The following FASN variants were observed in gnomAD, a reference collection of about 807,000 sequenced individuals.
FASN encodes the protein 3-hydroxyacyl-[acyl-carrier-protein] dehydratase.
Under a neutral mutation model 250.0 loss-of-function variants are expected in FASN, and 50 were observed. The observed-to-expected ratio is 0.20, with a 90% CI of 0.16 to 0.25. FASN has a LOEUF of 0.25. Among genes scored for constraint, FASN ranks in the 10% least tolerant of loss-of-function variants. The pLI is 1.00. For synonymous variants in FASN, 1,909 were observed against 1,584.0 expected, an observed-to-expected ratio of 1.21 and a Z score of -4.87; for missense variants, 3,031 against 3,498.5, an observed-to-expected ratio of 0.87 and a Z score of 3.37.
Position 82,085,691 on chromosome 17 carries a change from TG to T in FASN, c.3912del (p.Ser1305AlafsTer32). The part of the protein sequence containing the change: ...QGQWDPADPA[P>X]SALGSADLLV... ...AGGAGGTCGGCGCTGCCCAGGGCGC[TG>T]GGGGCAGGGTCTGCGGGATCCCACT... On this transcript the variant is annotated frameshift_variant, in exon 23 of 43. Transcript: ENST00000306749. LOFTEE classifies it high-confidence loss of function. 6.4e-7 allele frequency: 1 copy of T among 1,571,390 alleles called. No individual in the cohort carries two copies. Among genetic ancestry groups the T allele is most frequent in the Non-Finnish European group, 8.6e-7 (1 of 1,159,242 alleles).
intron 5 of FASN, 65 bp from the exon 6 acceptor site, chr17:82,093,084 A>G (rs2034242236): frequency 1.2e-6 from 2 of 1,600,636 alleles, no homozygotes; most frequent in Admixed American, 1.7e-5. Context: ...CACCAGGAGG[A>G]GCTCTGGGGT....
At position 82,085,491 on chromosome 17, in the gene FASN, G is replaced by A. The variant is rs754161099; in HGVS notation, c.4113C>T (p.Ile1371=). 1.3e-6 allele frequency: 2 copies of A among 1,592,790 alleles called. No homozygotes were observed. Among genetic ancestry groups the A allele is most frequent in the Admixed American group, 1.7e-5 (1 of 57,212 alleles). ...TGCCCGGCGGCCGCACCTGGCTCAG[G>A]ATGCCCTGGCCATACTGCGGCTCAG... ...TSTEPQYGQG[I]LSQDAWESLF... Residue 1371 remains isoleucine, a synonymous_variant, in exon 23 of 43, where the codon ATC becomes ATT. Transcript: ENST00000306749.
In FASN at chr17:82,091,438, C is replaced by T. The variant is rs777981730; in HGVS notation, c.1276G>A (p.Ala426Thr). 2 of 1,607,770 alleles carry T rather than the reference C, an allele frequency of 1.2e-6. No homozygotes were observed. Among genetic ancestry groups the T allele is most frequent in the Non-Finnish European group, 8.5e-7 (1 of 1,177,704 alleles). Residue 426 changes from alanine (A) to threonine (T), a missense_variant, in exon 9 of 43, where the codon GCC becomes ACC. Physicochemically the swap from Ala to Thr is moderately conservative, Grantham distance 58. Coordinates refer to ENST00000306749, the MANE Select transcript of FASN (RefSeq NM_004104.5). ...PHATLPRLLR[A>T]SGRTPEAVQK... ...ACGGCCTCAGGGGTGCGTCCGCTGGCCCGCAGCAGACGGGGCAGGGTGGCA... is the reference window on the plus strand; with the variant it reads ...ACGGCCTCAGGGGTGCGTCCGCTGGTCCGCAGCAGACGGGGCAGGGTGGCA...
intron 37 of FASN, 41 bp downstream of exon 37, chr17:82,081,560 C>T: frequency 6.2e-7 from 1 of 1,609,042 alleles, no homozygotes. Context: ...CTGATGCCAG[C>T]AGGGGAAACA....
chr17:82,082,289 G>A (rs184659321), intron 35 of FASN, 34 bp downstream of exon 35: 56 of 1,609,856 alleles, frequency 3.5e-5, no homozygotes, highest in Non-Finnish European at 4.5e-5. Flanking sequence ...CCCAGAGCCC[G>A]GCAGAGGCGG....
Position 82,090,537 on chromosome 17 carries a change from T to A in FASN, c.1708A>T (p.Met570Leu), listed in dbSNP as rs776429226. Residue 570 changes from methionine (M) to leucine (L), a missense_variant, in exon 11 of 43, where the codon ATG becomes TTG. Coordinates refer to ENST00000306749, the MANE Select transcript of FASN (RefSeq NM_004104.5). ...QIGLIDLLSC[M>L]GLRPDGIVGH... ...ACGATGCCATCTGGCCTCAGCCCCATGCAGCTCAGCAGGTCTATGAGGCCT... is the reference window on the plus strand; with the variant it reads ...ACGATGCCATCTGGCCTCAGCCCCAAGCAGCTCAGCAGGTCTATGAGGCCT... The A allele has an allele frequency of 6.2e-7, 1 of 1,611,918 alleles. No individual in the cohort carries two copies. Among genetic ancestry groups the A allele is most frequent in the East Asian group, 2.2e-5 (1 of 44,870 alleles).
rs2034059541 is a variant in FASN, at chr17:82,084,787, T to C, written c.4564+12A>G. 4 of 1,549,620 alleles carry C rather than the reference T, an allele frequency of 2.6e-6. No homozygotes were observed. The highest frequency in any genetic ancestry group is 3.5e-6 in the Non-Finnish European group (4 of 1,146,914). ...GTCTCCCGGGAGGGGCAGGGCAGTG[T>C]CGGGGGCTCACCCTCCTCCAGCAGG... is the stretch of plus-strand genomic sequence containing the variant. On this transcript the variant is annotated intron_variant, in intron 26 of 42. Transcript: ENST00000306749.
At chr17:82,095,114 C>T (rs1297457421) in intron 3 of FASN, among the ~76,000 whole-genome samples, 2 of 152,212 alleles carry the variant, frequency 1.3e-5, no homozygotes, top group Non-Finnish European at 2.9e-5. Flanking sequence ...AGGGCACACC[C>T]GCGACACCTC....
chr17:82,088,911 C>G (rs2034153094), intron 14 of FASN, 35 bp from the exon 15 acceptor site: 1 of 1,610,496 alleles, frequency 6.2e-7, no homozygotes, highest in Non-Finnish European at 8.5e-7. Context: ...TCTCTTGGTG[C>G]TCAGCTGAGG....
Position 82,082,385 on chromosome 17 carries a change from C to T in FASN, c.5949G>A (p.Gln1983=). The part of the protein sequence containing the change: ...VVLRDGLLEN[Q]TPEFFQDVCK... ...AGACGTCCTGGAAGAACTCTGGGGTCTGGTTCTCCAGCAAGCCATCTCTCA... is the reference window on the plus strand; with the variant it reads ...AGACGTCCTGGAAGAACTCTGGGGTTTGGTTCTCCAGCAAGCCATCTCTCA... The change falls in exon 35 of 43, where the codon CAG becomes CAA. Residue 1983 remains glutamine (Q), a synonymous_variant. Coordinates refer to ENST00000306749, the MANE Select transcript of FASN (RefSeq NM_004104.5). The T allele has an allele frequency of 6.2e-7, 1 of 1,612,912 alleles. No homozygotes were observed. Among genetic ancestry groups the T allele is most frequent in the Non-Finnish European group, 8.5e-7 (1 of 1,179,998 alleles).
rs568042607 is a variant in FASN, at chr17:82,090,511, G to A, written c.1734C>T (p.Val578=). The change falls in exon 11 of 43, where the codon GTC becomes GTT. Residue 578 remains valine, a synonymous_variant. Transcript: ENST00000306749. ...SCMGLRPDGI[V]GHSLGEVACG... ...AGGCCACCTCCCCCAGGGAGTGGCC[G>A]ACGATGCCATCTGGCCTCAGCCCCA... 1.7e-5 allele frequency: 27 copies of A among 1,611,674 alleles called. No individual in the cohort carries two copies. The highest frequency in any genetic ancestry group is 6.7e-5 in the Admixed American group (4 of 59,944).
rs918316455 is a variant in FASN at position 82,079,416 on chromosome 17, G to A, written c.7339C>T (p.Arg2447Cys). ...AKYHGNVMLL[R>C]AKTGGAYGED... Reference sequence around the variant, plus strand: ...CCGTAGGCGCCACCCGTCTTGGCGCGCAGTAGCATCACGTTGCCATGGTAC... The same window carrying A: ...CCGTAGGCGCCACCCGTCTTGGCGCACAGTAGCATCACGTTGCCATGGTAC... Residue 2447 changes from arginine (R) to cysteine (C), a missense_variant, in exon 42 of 43, where the codon CGC becomes TGC. Transcript: ENST00000306749. 8 of 1,612,880 alleles carry A rather than the reference G, an allele frequency of 5.0e-6. No homozygotes were observed. The highest frequency in any genetic ancestry group is 2.7e-5 in the African/African-American group (2 of 74,936).
Position 82,079,419 on chromosome 17 carries a change from G to C in FASN, c.7336C>G (p.Leu2446Val). The change falls in exon 42 of 43, where the codon CTG becomes GTG. Residue 2446 changes from leucine (L) to valine (V), a missense_variant. Leu to Val is a conservative substitution (Grantham distance 32, BLOSUM62 1). Transcript: ENST00000306749. ...KAKYHGNVML[L>V]RAKTGGAYGE... ...TAGGCGCCACCCGTCTTGGCGCGCAGTAGCATCACGTTGCCATGGTACTTG... is the reference window on the plus strand; with the variant it reads ...TAGGCGCCACCCGTCTTGGCGCGCACTAGCATCACGTTGCCATGGTACTTG... 1 of 1,613,078 alleles carries C rather than the reference G, an allele frequency of 6.2e-7. No individual in the cohort carries two copies. The highest frequency in any genetic ancestry group is 8.5e-7 in the Non-Finnish European group (1 of 1,180,014).
In FASN at chr17:82,083,060, G is replaced by A. The variant is rs762139554; in HGVS notation, c.5621C>T (p.Ser1874Leu). 2.0e-5 allele frequency: 32 copies of A among 1,612,224 alleles called. No individual in the cohort carries two copies. The Admixed American group carries it at 3.3e-4, about 17-fold the overall frequency. The change falls in exon 33 of 43, where the codon TCG becomes TTG. Residue 1874 changes from serine (S) to leucine (L), a missense_variant. Transcript: ENST00000306749. ...CGGGCAGAAGGTCTTGGAGATGGCC[G>A]ACATCAGCTTGGGTTTGGCCCCCTT... ...VLKGAKPKLMSAISKTFCPAH... is the reference protein window; with the variant it reads ...VLKGAKPKLMLAISKTFCPAH...
intron 36 of FASN, 42 bp from the exon 37 acceptor site, chr17:82,081,885 G>A (rs765119828): frequency 6.9e-5 from 33 of 480,386 alleles, no homozygotes; most frequent in African/African-American, 3.4e-4. Context: ...CGGGGAGGTC[G>A]GGGTGGGGAG....
At chr17:82,081,057 C>T in intron 38 of FASN, 107 bp downstream of exon 38, 1 of 1,431,246 alleles carries the variant, frequency 7.0e-7, no homozygotes, top group East Asian at 2.5e-5. Flanking sequence ...CTCAGAATGG[C>T]ACCCGTGACG....
chr17:82,084,451 C>A, intron 27 of FASN, 62 bp downstream of exon 27: 1 of 1,585,434 alleles, frequency 6.3e-7, no homozygotes, highest in Non-Finnish European at 8.6e-7. Context: ...CAGGCAGGTC[C>A]TAGCTGCTGG....
chr17:82,079,747 G>T, intron 41 of FASN, 139 bp from the exon 42 acceptor site: 1 of 1,220,278 alleles, frequency 8.2e-7, no homozygotes, highest in Non-Finnish European at 1.1e-6. Context: ...GGCGATCTCA[G>T]CTCACCGCAA....
chr17:82,085,627 G>A lies in FASN; in HGVS notation c.3977C>T (p.Ala1326Val), dbSNP rs201799391. Residue 1326 changes from alanine (A) to valine (V), a missense_variant, in exon 23 of 43, where the codon GCC becomes GTC. Physicochemically the swap from Ala to Val is moderately conservative, Grantham distance 64. Coordinates refer to ENST00000306749, the MANE Select transcript of FASN (RefSeq NM_004104.5). The stretch of plus-strand genomic sequence containing the variant: ...AGCCACCATGTTGCTGAGAGCTGAG[G>A]CCGGGTCCCCGAGGGCAGCCACAGC... ...NCAVAALGDP[A>V]SALSNMVAAL... is the part of the protein sequence containing the mutation. 2.5e-6 allele frequency: 4 copies of A among 1,598,326 alleles called. No homozygotes were observed. The highest frequency in any genetic ancestry group is 3.4e-6 in the Non-Finnish European group (4 of 1,173,332).
Sources: gnomAD v4.1 joint callset for allele counts (sites outside exome capture counted in the v4.1 genomes callset) on GRCh38, gnomAD v4.1.1 for gene constraint, MANE v1.5 for transcripts, NCBI Gene and HGNC (gene_info 2026-07-23, HGNC 2026-07-21) for gene names.